Variants in MTMR1 observed in about 807,000 individuals in gnomAD.
MTMR1 encodes phosphatidylinositol-3-phosphate phosphatase MTMR1.
A neutral mutation model predicts 51.6 loss-of-function variants in MTMR1; 17 were observed. That is an observed-to-expected ratio of 0.33 (90% confidence interval 0.23 to 0.49). The LOEUF is 0.49. Ranked by LOEUF, MTMR1 falls within the 20% of genes least tolerant of loss-of-function variation. The probability of loss-of-function intolerance (pLI) is 0.99; values close to 1 mark genes in which losing one functional copy is unlikely to be tolerated. For synonymous variants in MTMR1, 201 were observed against 205.6 expected (o/e 0.98, Z 0.19); for missense variants, 386 against 526.9 (o/e 0.73, Z 2.62).
rs782405665 is a variant in MTMR1 at position 150,762,756 on chromosome X, T to C, written c.*27T>C. ...GGGCGAGGTCAGCCTGCTGCTCCACTGTCTCCCGGTGGCTCAGGAAAGGGA... is the reference window on the plus strand; with the variant it reads ...GGGCGAGGTCAGCCTGCTGCTCCACCGTCTCCCGGTGGCTCAGGAAAGGGA... On this transcript the variant is annotated 3_prime_UTR_variant, in exon 16 of 16. Transcript: ENST00000445323. The C allele has an allele frequency of 1.3e-5, 15 of 1,140,781 alleles. No individual in the cohort carries two copies. Among genetic ancestry groups the C allele is most frequent in the Middle Eastern group, 7.0e-4 (2 of 2,863 alleles). The allele number at this position is 1,140,781 out of a possible 1,213,427, so 94.0% of individuals were successfully genotyped here. A position where few individuals can be genotyped will look rare whatever the true frequency, so the allele number is the denominator to read the frequency against.
intron 2 of MTMR1, among the ~76,000 whole-genome samples, chrX:150,704,105 A>C (rs1336231091): frequency 8.9e-6 from 1 of 111,955 alleles, no homozygotes; most frequent in Non-Finnish European, 1.9e-5. Context: ...GAATACTCTG[A>C]AAGGTAGAAA....
chrX:150,761,875 G>A (rs185669304), intron 15 of MTMR1, among the ~76,000 whole-genome samples: 109 of 112,284 alleles, frequency 9.7e-4, no homozygotes, highest in African/African-American at 3.1e-3. Flanking sequence ...CATATGCCCC[G>A]GGAAAACCTT....
rs572988534 is a variant in MTMR1, at chrX:150,711,806, A to G, written c.253-536A>G. Among the ~76,000 whole-genome samples, 6 of 112,404 alleles carry G rather than the reference A, an allele frequency of 5.3e-5. No individual in the cohort carries two copies. The South Asian group carries it at 2.2e-3, about 42-fold the overall frequency. ...TATGAATTGGAAATGTAATTTCAAT[A>G]GAAAGCAGGTTAAGCTTTGCAGGTA... On this transcript the variant is annotated intron_variant, in intron 2 of 15. Transcript: ENST00000445323.
At chrX:150,756,005 C>G in intron 15 of MTMR1, 140 bp downstream of exon 15, 2 of 508,129 alleles carry the variant, frequency 3.9e-6, no homozygotes, top group Non-Finnish European at 6.4e-6. Flanking sequence ...AGGGTTCAAT[C>G]CTTTGCATTC....
intron 4 of MTMR1, 124 bp downstream of exon 4, chrX:150,718,824 C>A: frequency 3.3e-6 from 2 of 605,438 alleles, no homozygotes; most frequent in Non-Finnish European, 2.5e-6. Context: ...GACAAATGGA[C>A]TAGATCTATT....
At chrX:150,707,639 C>T (rs1261724662) in intron 2 of MTMR1, among the ~76,000 whole-genome samples, 1 of 112,214 alleles carries the variant, frequency 8.9e-6, no homozygotes, top group East Asian at 2.8e-4. Flanking sequence ...TAAAATGGTA[C>T]AGCCACTCTG....
chrX:150,746,059 C>T (rs181365616), intron 13 of MTMR1, among the ~76,000 whole-genome samples: 19 of 112,431 alleles, frequency 1.7e-4, no homozygotes, highest in African/African-American at 2.3e-4. Flanking sequence ...CCTGAGATGC[C>T]ACATTTCTGA....
In MTMR1 at chrX:150,763,501, C is replaced by G. The variant is rs1355747704; in HGVS notation, c.*772C>G. 8.9e-6 allele frequency: 1 copy of G among 112,840 alleles called. No homozygotes were observed. The highest frequency in any genetic ancestry group is 1.9e-5 in the Non-Finnish European group (1 of 53,335). The allele number at this position is 112,840 out of a possible 1,213,427, so 9.3% of individuals were successfully genotyped here. Reference sequence around the variant, plus strand: ...TCTTCCAGCCCCGCTGAGGGTAAACCGAGGCCTCTGGCAGCTGTGCACAGG... The same window carrying G: ...TCTTCCAGCCCCGCTGAGGGTAAACGGAGGCCTCTGGCAGCTGTGCACAGG... On this transcript the variant is annotated 3_prime_UTR_variant, in exon 16 of 16. Coordinates refer to ENST00000445323, the MANE Select transcript of MTMR1 (RefSeq NM_001306144.3).
rs184817357 is a variant in MTMR1 at position 150,730,812 on chromosome X, T to C, written c.741+204T>C. ...TAGACTTTGTCATGTTTGTTCATCC[T>C]GTTTCCAGAGGGTGAGTGGGACTCA... On this transcript the variant is annotated intron_variant, in intron 8 of 15. Transcript: ENST00000445323. Among the ~76,000 whole-genome samples the C allele has an allele frequency of 4.7e-3, 528 of 112,316 alleles. 2 individuals carry two copies. The highest frequency in any genetic ancestry group is 0.016 in the African/African-American group (503 of 30,900).
chrX:150,698,570 C>T (rs782562869), intron 1 of MTMR1, among the ~76,000 whole-genome samples: 1 of 109,612 alleles, frequency 9.1e-6, no homozygotes, highest in Non-Finnish European at 1.9e-5. Context: ...GGTGTGGTGG[C>T]TCATGCCTGT....
At chrX:150,722,307 TAGAG>T (rs2041776631) in intron 4 of MTMR1, among the ~76,000 whole-genome samples, 1 of 112,002 alleles carries the variant, frequency 8.9e-6, no homozygotes, top group Non-Finnish European at 1.9e-5. Flanking sequence ...CTACCAATTG[TAGAG>T]AGAGAGGTTT....
intron 7 of MTMR1, 26 bp downstream of exon 7, chrX:150,730,236 C>A: frequency 9.6e-7 from 1 of 1,045,273 alleles, no homozygotes; most frequent in Non-Finnish European, 1.3e-6. Flanking sequence ...TAAACCTTTT[C>A]TGCATGCATT....
chrX:150,718,838 C>A, intron 4 of MTMR1, 138 bp downstream of exon 4: 3 of 540,064 alleles, frequency 5.6e-6, no homozygotes, highest in Non-Finnish European at 8.7e-6. Context: ...ATCTATTCAT[C>A]CTCATTAGTG....
intron 14 of MTMR1, among the ~76,000 whole-genome samples, chrX:150,754,444 C>T (rs782554823): frequency 5.3e-5 from 6 of 112,463 alleles, no homozygotes; most frequent in East Asian, 2.8e-4. Context: ...TTGGCCTTGC[C>T]GTTTTCTCAT....
At chrX:150,740,482 A>G (rs782100930) in intron 12 of MTMR1, among the ~76,000 whole-genome samples, 7 of 111,053 alleles carry the variant, frequency 6.3e-5, no homozygotes, top group Non-Finnish European at 1.1e-4. Context: ...GAGTCCTTGG[A>G]TCATTTTTCT....
chrX:150,762,263 G>C (rs782785912), intron 15 of MTMR1, among the ~76,000 whole-genome samples: 2 of 112,497 alleles, frequency 1.8e-5, no homozygotes, highest in African/African-American at 3.2e-5. Context: ...TTGATCCATG[G>C]TGCGCAGTGT....
At chrX:150,760,873 G>C (rs782077859) in intron 15 of MTMR1, among the ~76,000 whole-genome samples, 2 of 108,025 alleles carry the variant, frequency 1.9e-5, no homozygotes, top group Non-Finnish European at 3.8e-5. Context: ...GTTGCAGTGA[G>C]CTGAGATCGT....
intron 14 of MTMR1, chrX:150,751,248 G>A: frequency 1.3e-6 from 1 of 774,158 alleles, no homozygotes; most frequent in Non-Finnish European, 1.6e-6. Context: ...TAGGTAGCAA[G>A]CTAACACTTT....
chrX:150,734,939 A>G (rs1488634074), intron 10 of MTMR1, among the ~76,000 whole-genome samples: 2 of 112,413 alleles, frequency 1.8e-5, no homozygotes, highest in African/African-American at 6.5e-5. Flanking sequence ...GGATCTTTGC[A>G]GATGTATTAA....
Sources: gnomAD v4.1 joint callset for allele counts (sites outside exome capture counted in the v4.1 genomes callset) on GRCh38, gnomAD v4.1.1 for gene constraint, MANE v1.5 for transcripts, NCBI Gene and HGNC (gene_info 2026-07-23, HGNC 2026-07-21) for gene names.